The following DCLK1 variants were observed in gnomAD, a reference collection of about 807,000 sequenced individuals.
DCLK1 encodes doublecortin like kinase 1.
In DCLK1, 16 loss-of-function variants were observed where a neutral mutation model predicts 86.2. The ratio of observed to expected loss-of-function variants is 0.19; its 90% CI spans 0.13 to 0.28. DCLK1 has a LOEUF of 0.28. Among genes scored for constraint, DCLK1 ranks in the 10% least tolerant of loss-of-function variants. The pLI is 1.00. For synonymous variants in DCLK1, 369 were observed against 370.5 expected, an observed-to-expected ratio of 1.00 and a Z score of 0.05; for missense variants, 590 against 940.2, an observed-to-expected ratio of 0.63 and a Z score of 4.87.
At chr13:36,087,656 G>A (rs1884660340) in intron 3 of DCLK1, among the ~76,000 whole-genome samples, 1 of 152,070 alleles carries the variant, frequency 6.6e-6, no homozygotes, top group Admixed American at 6.5e-5. Flanking sequence ...AATGCTCTGA[G>A]GATATCCATA....
chr13:36,096,065 G>T (rs1885010269), intron 3 of DCLK1, among the ~76,000 whole-genome samples: 1 of 152,158 alleles, frequency 6.6e-6, no homozygotes, highest in African/African-American at 2.4e-5. Context: ...GGTTTTGAAA[G>T]GGTTTTTTGT....
chr13:35,950,627 C>G (rs547749524), intron 3 of DCLK1, among the ~76,000 whole-genome samples: 1 of 152,322 alleles, frequency 6.6e-6, no homozygotes, highest in East Asian at 1.9e-4. Context: ...CAATTGGCCT[C>G]TCTGCCATGA....
intron 16 of DCLK1, among the ~76,000 whole-genome samples, chr13:35,786,682 A>G (rs762958708): frequency 4.6e-5 from 7 of 152,174 alleles, no homozygotes; most frequent in Non-Finnish European, 8.8e-5. Context: ...AAGATGGATG[A>G]ATCCTCTTCT....
intron 3 of DCLK1, among the ~76,000 whole-genome samples, chr13:36,108,902 G>A (rs998421992): frequency 5.9e-5 from 9 of 152,162 alleles, no homozygotes; most frequent in African/African-American, 1.9e-4. Flanking sequence ...AGCAGTGCAG[G>A]TGCCACCCCA....
chr13:36,000,909 A>G (rs894690453), intron 3 of DCLK1, among the ~76,000 whole-genome samples: 3 of 151,974 alleles, frequency 2.0e-5, no homozygotes, highest in Admixed American at 2.0e-4. Flanking sequence ...TACATTAAGT[A>G]TGTACTCTAC....
At chr13:35,851,995 A>ATGTGTGTGTGTG (rs1555344390) in intron 6 of DCLK1, among the ~76,000 whole-genome samples, 2 of 143,544 alleles carry the variant, frequency 1.4e-5, no homozygotes, top group African/African-American at 5.1e-5. Context: ...ATGTGTGTGT[A>ATGTGTGTGTGTG]TGTGTGTGTG....
intron 3 of DCLK1, among the ~76,000 whole-genome samples, chr13:35,996,247 A>G (rs1880471823): frequency 6.6e-6 from 1 of 152,206 alleles, no homozygotes; most frequent in African/African-American, 2.4e-5. Flanking sequence ...TTAGTTGTAA[A>G]TAAAATCATC....
intron 4 of DCLK1, among the ~76,000 whole-genome samples, chr13:35,924,253 T>C (rs75519689): frequency 6.9e-6 from 1 of 145,738 alleles, no homozygotes; most frequent in Non-Finnish European, 1.5e-5. Flanking sequence ...GGGGCAAATC[T>C]TTTTTTTTTT....
intron 6 of DCLK1, among the ~76,000 whole-genome samples, chr13:35,842,185 C>G (rs1404621082): frequency 1.5e-5 from 2 of 136,086 alleles, no homozygotes; most frequent in Non-Finnish European, 3.1e-5. Context: ...GCCGAGATCG[C>G]GCCACTGCAC....
At chr13:36,019,391 A>T (rs1441837181) in intron 3 of DCLK1, among the ~76,000 whole-genome samples, 2 of 152,206 alleles carry the variant, frequency 1.3e-5, no homozygotes, top group African/African-American at 4.8e-5. Context: ...GCCAGACCTG[A>T]AAAAGTGTAA....
intron 3 of DCLK1, among the ~76,000 whole-genome samples, chr13:35,970,279 C>G (rs965136384): frequency 6.6e-6 from 1 of 152,158 alleles, no homozygotes; most frequent in Non-Finnish European, 1.5e-5. Flanking sequence ...TGCCACTTCC[C>G]CACATTTGAG....
intron 3 of DCLK1, among the ~76,000 whole-genome samples, chr13:36,064,964 A>G (rs1226812644): frequency 6.6e-6 from 1 of 152,202 alleles, no homozygotes; most frequent in African/African-American, 2.4e-5. Flanking sequence ...TTCCTAAACA[A>G]TGCTAGAAAT....
intron 6 of DCLK1, chr13:35,850,251 T>G: frequency 1.0e-6 from 1 of 984,376 alleles, no homozygotes; most frequent in Non-Finnish European, 1.2e-6. Context: ...CAATTCAAAT[T>G]TTAAAAACAA....
chr13:35,959,616 ACATGTC>A (rs1356397909), intron 3 of DCLK1, among the ~76,000 whole-genome samples: 1 of 152,140 alleles, frequency 6.6e-6, no homozygotes, highest in Non-Finnish European at 1.5e-5. Context: ...TCCAAATGAG[ACATGTC>A]CATGTCCTGG....
chr13:35,836,329 C>A (rs1347301438), intron 7 of DCLK1, among the ~76,000 whole-genome samples, 188 bp from the exon 8 acceptor site: 4 of 152,136 alleles, frequency 2.6e-5, no homozygotes, highest in Non-Finnish European at 5.9e-5. Flanking sequence ...TTTACTAAGA[C>A]AAATGATAAA....
chr13:35,940,493 C>T (rs1877026040), intron 4 of DCLK1, among the ~76,000 whole-genome samples: 1 of 152,108 alleles, frequency 6.6e-6, no homozygotes, highest in Non-Finnish European at 1.5e-5. Flanking sequence ...TTTGTCCTGA[C>T]TGTGAGCATC....
chr13:35,931,854 G>T (rs1054125071), intron 4 of DCLK1, among the ~76,000 whole-genome samples: 1 of 152,110 alleles, frequency 6.6e-6, no homozygotes. Flanking sequence ...TGTACTGTGG[G>T]ATATATGTTT....
intron 3 of DCLK1, among the ~76,000 whole-genome samples, chr13:36,040,386 C>CT: frequency 7.2e-6 from 1 of 138,366 alleles, no homozygotes; most frequent in East Asian, 2.3e-4. Flanking sequence ...CTGCAAATCT[C>CT]TGAGTAGTAT....
chr13:36,012,324 G>C (rs569456244), intron 3 of DCLK1, among the ~76,000 whole-genome samples: 1 of 151,548 alleles, frequency 6.6e-6, no homozygotes, highest in East Asian at 1.9e-4. Context: ...TCCTAGTCTC[G>C]ATGGTCTTTA....
Sources: allele counts gnomAD v4.1 joint callset (sites outside exome capture counted in the v4.1 genomes callset), GRCh38; gene constraint gnomAD v4.1.1; transcripts MANE v1.5; gene names NCBI Gene and HGNC (gene_info 2026-07-23, HGNC 2026-07-21).